SCN11A: variants seen among roughly 807,000 people sequenced by gnomAD.
The protein encoded by SCN11A is sodium channel protein type 11 subunit alpha.
A neutral mutation model predicts 162.2 loss-of-function variants in SCN11A; 122 were observed. The observed-to-expected ratio is 0.75, with a 90% CI of 0.65 to 0.87. The LOEUF is 0.87. SCN11A is among the 40% of genes least tolerant of loss of function. SCN11A has a pLI of 0.00. For synonymous variants in SCN11A, 758 were observed against 751.5 expected (o/e 1.01, Z -0.14); for missense variants, 2,015 against 2,181.6 (o/e 0.92, Z 1.52).
intron 2 of SCN11A, among the ~76,000 whole-genome samples, chr3:38,976,519 G>C (rs929353762): frequency 6.6e-6 from 1 of 152,136 alleles, no homozygotes; most frequent in African/African-American, 2.4e-5. Context: ...GACATTCAAA[G>C]GAAATGCTCA....
chr3:38,926,613 C>T lies in SCN11A; in HGVS notation c.617+190G>A, dbSNP rs150271360. Among the ~76,000 whole-genome samples, 347 of 152,008 alleles carry T rather than the reference C, an allele frequency of 2.3e-3. 1 individual carries two copies. Among genetic ancestry groups the T allele is most frequent in the African/African-American group, 8.2e-3 (339 of 41,430 alleles). On this transcript the variant is annotated intron_variant, in intron 8 of 29. Transcript: ENST00000302328. ...AACTTGAGTGTTGACCTAGAAATGG[C>T]TTTGTGTGTGGGGGCCTCTGGCCAA...
intron 2 of SCN11A, among the ~76,000 whole-genome samples, chr3:38,995,907 T>A (rs939351312): frequency 6.6e-6 from 1 of 151,958 alleles, no homozygotes; most frequent in Non-Finnish European, 1.5e-5. Flanking sequence ...AATGTACAGA[T>A]AAGGATGTAT....
At chr3:38,951,622 G>A (rs1180174609) in intron 4 of SCN11A, among the ~76,000 whole-genome samples, 1 of 152,272 alleles carries the variant, frequency 6.6e-6, no homozygotes, top group Non-Finnish European at 1.5e-5. Flanking sequence ...TCCTGAGTCT[G>A]GTGGGGACGT....
At chr3:39,017,278 T>A (rs1047685532) in intron 2 of SCN11A, among the ~76,000 whole-genome samples, 1 of 152,216 alleles carries the variant, frequency 6.6e-6, no homozygotes, top group African/African-American at 2.4e-5. Context: ...GACTTTTCAG[T>A]CTCCAGAACC....
intron 19 of SCN11A, among the ~76,000 whole-genome samples, chr3:38,892,109 CA>C (rs373005648): frequency 9.9e-5 from 15 of 151,658 alleles, no homozygotes; most frequent in African/African-American, 3.6e-4. Context: ...TAATGGAGAC[CA>C]AAAGGCAGTG....
rs148247324 is a variant in SCN11A, at chr3:38,993,369, C to T, written c.-279-32946G>A. ...CAAATGCCACTGAGAGGCACTGAGC[C>T]AAAGCTGGGTCTCACTCTCCTCGGC... On this transcript the variant is annotated intron_variant, in intron 2 of 29. Coordinates refer to ENST00000302328, the MANE Select transcript of SCN11A (RefSeq NM_001349253.2). Among the ~76,000 whole-genome samples, 11 of 152,294 alleles carry T rather than the reference C, an allele frequency of 7.2e-5. No individual in the cohort carries two copies. In the East Asian group the frequency reaches 2.1e-3, roughly 29 times the overall value.
intron 2 of SCN11A, among the ~76,000 whole-genome samples, chr3:38,975,340 C>A (rs766191666): frequency 6.6e-6 from 1 of 152,042 alleles, no homozygotes; most frequent in South Asian, 2.1e-4. Flanking sequence ...CAAACTCTGA[C>A]TCTGAAGTTA....
At chr3:39,007,191 T>C (rs925620715) in intron 2 of SCN11A, among the ~76,000 whole-genome samples, 4 of 152,150 alleles carry the variant, frequency 2.6e-5, no homozygotes, top group African/African-American at 9.7e-5. Flanking sequence ...ATACTTGTGA[T>C]ATAATAAGAA....
rs1281427160 is a variant in SCN11A, at chr3:38,938,517, T to TATATAC, written c.488+6893_488+6894insGTATAT. Among the ~76,000 whole-genome samples the TATATAC allele has an allele frequency of 9.2e-3, 119 of 12,938 alleles. 2 individuals carry two copies. Among genetic ancestry groups the TATATAC allele is most frequent in the African/African-American group, 0.035 (114 of 3,272 alleles). 8.5% of individuals were successfully genotyped at this position (12,938 alleles called of 152,430 possible). A position where few individuals can be genotyped will look rare whatever the true frequency, so the allele number is the denominator to read the frequency against. On this transcript the variant is annotated intron_variant, in intron 7 of 29. Coordinates refer to ENST00000302328, the MANE Select transcript of SCN11A (RefSeq NM_001349253.2). ...GGCAGAAGGAAAAATATCATATATATATATATATATATATATATATATATA... is the reference window on the plus strand; with the variant it reads ...GGCAGAAGGAAAAATATCATATATATATATACATATATATATATATATATATATATA...
At chr3:38,972,806 T>C (rs2066824427) in intron 2 of SCN11A, among the ~76,000 whole-genome samples, 1 of 152,212 alleles carries the variant, frequency 6.6e-6, no homozygotes, top group South Asian at 2.1e-4. Flanking sequence ...AAAGTCGTTC[T>C]AACACTTAAT....
chr3:38,920,127 G>A (rs546692916), intron 10 of SCN11A, 126 bp from the exon 11 acceptor site: 1 of 720,212 alleles, frequency 1.4e-6, no homozygotes, highest in East Asian at 2.7e-5. Flanking sequence ...TAAAGGAGGT[G>A]TGTCCAGAGA....
In SCN11A at chr3:38,850,579, G is replaced by T. The variant is rs771241253; in HGVS notation, c.4229C>A (p.Thr1410Lys). The T allele has an allele frequency of 8.7e-6, 14 of 1,613,726 alleles. 1 individual carries two copies. The South Asian group carries it at 1.5e-4, about 18-fold the overall frequency. ...AAAGATTTTGATGAGACATTCTAACGTAAAGATGACCACAAAGACCCAGTT... is the reference window on the plus strand; with the variant it reads ...AAAGATTTTGATGAGACATTCTAACTTAAAGATGACCACAAAGACCCAGTT... Reference protein sequence around the residue: ...HLNWVFVVIFTLECLIKIFAL... With the variant: ...HLNWVFVVIFKLECLIKIFAL... The change falls in exon 29 of 30, where the codon ACG becomes AAG. Residue 1410 changes from threonine (T) to lysine (K), a missense_variant. Transcript: ENST00000302328.
intron 1 of SCN11A, among the ~76,000 whole-genome samples, chr3:39,051,114 T>G (rs139577487): frequency 1.1e-4 from 17 of 149,800 alleles, no homozygotes; most frequent in African/African-American, 4.1e-4. Context: ...AACATCTTTT[T>G]GTCTTGTTTT....
intron 11 of SCN11A, among the ~76,000 whole-genome samples, chr3:38,912,989 C>G (rs2065907194): frequency 6.6e-6 from 1 of 152,038 alleles, no homozygotes; most frequent in Non-Finnish European, 1.5e-5. Context: ...CTCTGGGTAC[C>G]TACCCAGTAA....
At chr3:38,869,457 C>T (rs1248010382) in intron 26 of SCN11A, among the ~76,000 whole-genome samples, 1 of 151,854 alleles carries the variant, frequency 6.6e-6, no homozygotes, top group Non-Finnish European at 1.5e-5. Context: ...ACAATGTAAA[C>T]TATAATTGTT....
intron 2 of SCN11A, among the ~76,000 whole-genome samples, chr3:38,991,769 T>C (rs1222057523): frequency 6.6e-6 from 1 of 152,138 alleles, no homozygotes; most frequent in Non-Finnish European, 1.5e-5. Flanking sequence ...TGGTAAGCAG[T>C]TGAATTGGCA....
At position 38,847,655 on chromosome 3, in the gene SCN11A, C is replaced by T. The variant is rs1343553308; in HGVS notation, c.4415G>A (p.Arg1472Gln). Residue 1472 changes from arginine to glutamine, a missense_variant, in exon 30 of 30, where the codon CGA becomes CAA. Transcript: ENST00000302328. Reference protein sequence around the residue: ...FRIVRLARIGRILRLVRAARG... With the variant: ...FRIVRLARIGQILRLVRAARG... ...TGCAGCCCGGACAAGCCTCAGGATTCGGCCAATCCGAGCCAAGCGGACAAT... is the reference window on the plus strand; with the variant it reads ...TGCAGCCCGGACAAGCCTCAGGATTTGGCCAATCCGAGCCAAGCGGACAAT... The T allele has an allele frequency of 9.3e-6, 15 of 1,613,802 alleles. No homozygotes were observed. The highest frequency in any genetic ancestry group is 4.4e-5 in the South Asian group (4 of 91,074).
chr3:38,873,487 T>C (rs2065160852), intron 23 of SCN11A, among the ~76,000 whole-genome samples: 1 of 152,212 alleles, frequency 6.6e-6, no homozygotes, highest in African/African-American at 2.4e-5. Flanking sequence ...GTGGGCTTTT[T>C]GTTTACAATG....
intron 23 of SCN11A, among the ~76,000 whole-genome samples, chr3:38,878,848 ACCAC>A (rs2065263026): frequency 6.6e-6 from 1 of 152,090 alleles, no homozygotes; most frequent in African/African-American, 2.4e-5. Flanking sequence ...GGGTTTCCTG[ACCAC>A]ATGGTTTATG....
Sources: gnomAD v4.1 joint callset for allele counts (sites outside exome capture counted in the v4.1 genomes callset) on GRCh38, gnomAD v4.1.1 for gene constraint, MANE v1.5 for transcripts, NCBI Gene and HGNC (gene_info 2026-07-23, HGNC 2026-07-21) for gene names.